The following TINAG variants were observed in gnomAD, a reference collection of about 807,000 sequenced individuals.
TINAG encodes the protein tubulointerstitial nephritis antigen.
Under a neutral mutation model 72.7 loss-of-function variants are expected in TINAG, and 83 were observed. The ratio of observed to expected loss-of-function variants is 1.14; its 90% CI spans 0.96 to 1.37. The LOEUF (loss-of-function observed/expected upper bound fraction) is 1.37. Among genes scored for constraint, TINAG ranks in the 40% most tolerant of loss-of-function variants. The pLI, the probability that TINAG is intolerant of heterozygous loss-of-function variation, is 0.00. For synonymous variants in TINAG, 234 were observed against 189.9 expected (o/e 1.23, Z -1.91); for missense variants, 685 against 576.6 (o/e 1.19, Z -1.93).
At chr6:54,326,617 T>C (rs1360097161) in intron 3 of TINAG, among the ~76,000 whole-genome samples, 185 bp from the exon 4 acceptor site, 2 of 152,152 alleles carry the variant, frequency 1.3e-5, no homozygotes, top group Non-Finnish European at 2.9e-5. Flanking sequence ...GAGTATCTCA[T>C]ACCCTTGATT....
At chr6:54,362,925 G>A (rs971836202) in intron 9 of TINAG, among the ~76,000 whole-genome samples, 1 of 151,556 alleles carries the variant, frequency 6.6e-6, no homozygotes, top group Non-Finnish European at 1.5e-5. Context: ...TAGAAGTAGA[G>A]CCTGAAGTTT....
At chr6:54,340,395 C>CAAAAA (rs374080620) in intron 4 of TINAG, among the ~76,000 whole-genome samples, 2 of 125,334 alleles carry the variant, frequency 1.6e-5, no homozygotes, top group African/African-American at 2.9e-5. Flanking sequence ...TTTTATTAAG[C>CAAAAA]AAAAAAAAAA....
intron 9 of TINAG, among the ~76,000 whole-genome samples, chr6:54,375,335 GT>G (rs750267429): frequency 2.0e-5 from 3 of 152,042 alleles, no homozygotes; most frequent in Non-Finnish European, 4.4e-5. Flanking sequence ...TAATTTAAAG[GT>G]TTATGTGTAG....
At chr6:54,370,808 G>T (rs895139932) in intron 9 of TINAG, among the ~76,000 whole-genome samples, 3 of 151,986 alleles carry the variant, frequency 2.0e-5, no homozygotes, top group Non-Finnish European at 4.4e-5. Context: ...ATTGAATCAT[G>T]TTGCCTTGTC....
At chr6:54,386,289 A>G (rs534506189) in intron 10 of TINAG, among the ~76,000 whole-genome samples, 3 of 152,208 alleles carry the variant, frequency 2.0e-5, no homozygotes, top group Non-Finnish European at 4.4e-5. Flanking sequence ...AGATTGAAAC[A>G]ACATACATTT....
chr6:54,317,989 C>T (rs1466295211), intron 1 of TINAG, among the ~76,000 whole-genome samples: 2 of 152,048 alleles, frequency 1.3e-5, no homozygotes, highest in Non-Finnish European at 2.9e-5. Flanking sequence ...ATTTGAAACA[C>T]TGTATTAACC....
chr6:54,337,151 A>G (rs1461158359), intron 4 of TINAG, among the ~76,000 whole-genome samples: 1 of 151,410 alleles, frequency 6.6e-6, no homozygotes. Flanking sequence ...TCAGAAATAT[A>G]TTTCAATGAC....
rs149013971 is a variant in TINAG, at chr6:54,313,108, A to T, written c.355+4203A>T. Among the ~76,000 whole-genome samples the T allele has an allele frequency of 8.4e-3, 1,279 of 152,314 alleles. 18 individuals carry two copies. Among genetic ancestry groups the T allele is most frequent in the African/African-American group, 0.029 (1,224 of 41,572 alleles). ...ATCGAAAAATAGAAAATACATGTTTAAAAATAGAAAATACATGTTTAATAG... is the reference window on the plus strand; with the variant it reads ...ATCGAAAAATAGAAAATACATGTTTTAAAATAGAAAATACATGTTTAATAG... On this transcript the variant is annotated intron_variant, in intron 1 of 10. Coordinates refer to ENST00000259782, the MANE Select transcript of TINAG (RefSeq NM_014464.4).
chr6:54,317,181 A>G (rs1256382264), intron 1 of TINAG, among the ~76,000 whole-genome samples: 1 of 152,010 alleles, frequency 6.6e-6, no homozygotes, highest in Non-Finnish European at 1.5e-5. Flanking sequence ...TTGAGTTCTG[A>G]ATCCCATCTT....
chr6:54,348,823 G>C (rs1299048723), intron 6 of TINAG, among the ~76,000 whole-genome samples: 1 of 152,018 alleles, frequency 6.6e-6, no homozygotes, highest in African/African-American at 2.4e-5. Flanking sequence ...ATATTTTTTA[G>C]GTTGTTTGAG....
chr6:54,322,932 C>T (rs1784525619), intron 3 of TINAG, among the ~76,000 whole-genome samples: 1 of 152,186 alleles, frequency 6.6e-6, no homozygotes, highest in African/African-American at 2.4e-5. Flanking sequence ...AATTAACATA[C>T]ATTCCTAGCT....
In TINAG at chr6:54,308,675, T is replaced by G; in HGVS notation, c.125T>G (p.Leu42Trp). Residue 42 changes from leucine (L) to tryptophan (W), a missense_variant, in exon 1 of 11, where the codon TTG (leucine) becomes TGG (tryptophan). Coordinates refer to ENST00000259782, the MANE Select transcript of TINAG (RefSeq NM_014464.4). ...EAYFTRNHTV[L>W]QGTRFKRAIF... is the part of the protein sequence containing the mutation. ...TATTTCACTAGGAATCACACCGTTTTGCAAGGTACTCGATTCAAAAGAGCC... is the reference window on the plus strand; with the variant it reads ...TATTTCACTAGGAATCACACCGTTTGGCAAGGTACTCGATTCAAAAGAGCC... 1 of 1,613,866 alleles carries G rather than the reference T, an allele frequency of 6.2e-7. No individual in the cohort carries two copies. Among genetic ancestry groups the G allele is most frequent in the Admixed American group, 1.7e-5 (1 of 59,928 alleles).
chr6:54,345,785 G>A (rs1785106340), intron 5 of TINAG, among the ~76,000 whole-genome samples: 1 of 152,034 alleles, frequency 6.6e-6, no homozygotes, highest in Admixed American at 6.6e-5. Flanking sequence ...TCTAAAGGAT[G>A]CCAGCAATTT....
intron 8 of TINAG, among the ~76,000 whole-genome samples, chr6:54,353,443 CTT>C (rs1785315225): frequency 6.6e-6 from 1 of 151,822 alleles, no homozygotes; most frequent in African/African-American, 2.4e-5. Context: ...GAATGAATAA[CTT>C]TGTGTACATT....
chr6:54,310,581 CTCT>C (rs1784221087), intron 1 of TINAG, among the ~76,000 whole-genome samples: 1 of 139,732 alleles, frequency 7.2e-6, no homozygotes, highest in Admixed American at 7.5e-5. Context: ...TCTCTTTCTT[CTCT>C]TCTTTCTTTC....
At chr6:54,379,930 GC>G (rs893156857) in intron 9 of TINAG, among the ~76,000 whole-genome samples, 5 of 151,948 alleles carry the variant, frequency 3.3e-5, no homozygotes, top group African/African-American at 1.2e-4. Flanking sequence ...TCCCTCCCTA[GC>G]CCCCGACCCC....
At chr6:54,326,103 A>C (rs1311570397) in intron 3 of TINAG, among the ~76,000 whole-genome samples, 1 of 152,010 alleles carries the variant, frequency 6.6e-6, no homozygotes, top group Non-Finnish European at 1.5e-5. Context: ...TCTAGTAAAA[A>C]ATTTTGTTTG....
intron 9 of TINAG, among the ~76,000 whole-genome samples, chr6:54,372,464 A>G (rs1293505665): frequency 6.6e-6 from 1 of 152,034 alleles, no homozygotes; most frequent in Non-Finnish European, 1.5e-5. Flanking sequence ...TATCAAATAT[A>G]ATAGAATTCA....
chr6:54,384,449 TAA>T (rs1764037552), intron 10 of TINAG, among the ~76,000 whole-genome samples: 1 of 152,034 alleles, frequency 6.6e-6, no homozygotes, highest in Non-Finnish European at 1.5e-5. Context: ...AATAGAAATT[TAA>T]AAAGTCACTA....
Sources: allele counts gnomAD v4.1 joint callset (sites outside exome capture counted in the v4.1 genomes callset), GRCh38; gene constraint gnomAD v4.1.1; transcripts MANE v1.5; gene names NCBI Gene and HGNC (gene_info 2026-07-23, HGNC 2026-07-21).